Variants in EFR3B observed in about 807,000 individuals in gnomAD.
EFR3B encodes EFR3 homolog B.
In EFR3B, 64 loss-of-function variants were observed where a neutral mutation model predicts 104.7. The observed-to-expected ratio is 0.61, with a 90% confidence interval of 0.50 to 0.75. EFR3B has a LOEUF of 0.75. EFR3B is among the 30% of genes least tolerant of loss of function. The probability of loss-of-function intolerance (pLI) is 0.00; values close to 1 mark genes in which losing one functional copy is unlikely to be tolerated. For synonymous variants in EFR3B, 385 were observed against 417.9 expected, an observed-to-expected ratio of 0.92 and a Z score of 0.96; for missense variants, 750 against 1,078.5, an observed-to-expected ratio of 0.70 and a Z score of 4.27.
chr2:25,046,895 T>G (rs1243754032), intron 1 of EFR3B, among the ~76,000 whole-genome samples: 1 of 152,144 alleles, frequency 6.6e-6, no homozygotes, highest in Non-Finnish European at 1.5e-5. Flanking sequence ...TGCACACACA[T>G]AAACCAGCCT....
chr2:25,119,891 G>A (rs1669966269), intron 4 of EFR3B, among the ~76,000 whole-genome samples: 1 of 152,112 alleles, frequency 6.6e-6, no homozygotes, highest in African/African-American at 2.4e-5. Context: ...TAAATATTAT[G>A]AGAGTCCACT....
At chr2:25,129,887 T>C (rs1670281366) in intron 6 of EFR3B, 88 bp from the exon 7 acceptor site, 6 of 1,487,458 alleles carry the variant, frequency 4.0e-6, no homozygotes, top group Non-Finnish European at 3.6e-6. Flanking sequence ...GCTTGTCTTG[T>C]GTGGATGAAA....
In EFR3B at chr2:25,157,439, G is replaced by A; in HGVS notation, c.*3099G>A. ...GGGAGGTACCCTGGCCCTTGGTCTA[G>A]CATCAGTGAGTCCTGCCCTTCCAAG... is the stretch of plus-strand genomic sequence containing the variant. On this transcript the variant is annotated 3_prime_UTR_variant, in exon 23 of 23. Coordinates refer to ENST00000403714, the MANE Select transcript of EFR3B (RefSeq NM_014971.2). 1 of 152,512 alleles carries A rather than the reference G, an allele frequency of 6.6e-6. No homozygotes were observed. The allele number at this position is 152,512 out of a possible 1,614,324, so 9.4% of individuals were successfully genotyped here. A position where few individuals can be genotyped will look rare whatever the true frequency, so the allele number is the denominator to read the frequency against.
intron 5 of EFR3B, among the ~76,000 whole-genome samples, chr2:25,126,016 A>G (rs1048173604): frequency 8.5e-5 from 13 of 152,252 alleles, no homozygotes; most frequent in African/African-American, 3.1e-4. Context: ...AAAGGATTTG[A>G]ATTGAAATAG....
intron 5 of EFR3B, among the ~76,000 whole-genome samples, chr2:25,122,557 C>T (rs1670045208): frequency 6.6e-6 from 1 of 152,040 alleles, no homozygotes; most frequent in African/African-American, 2.4e-5. Context: ...CCTGCTTGCT[C>T]GTTCCCCTCC....
chr2:25,073,157 C>CTGAAGAGGA (rs1177473270), intron 1 of EFR3B, among the ~76,000 whole-genome samples: 2 of 152,026 alleles, frequency 1.3e-5, no homozygotes, highest in Non-Finnish European at 2.9e-5. Flanking sequence ...ATGAAGAGGA[C>CTGAAGAGGA]CAGGGAGCTG....
Position 25,145,021 on chromosome 2 carries a change from A to G in EFR3B, c.2112A>G (p.Val704=). The change falls in exon 19 of 23, where the codon GTA becomes GTG. Residue 704 remains valine, a synonymous_variant. Transcript: ENST00000403714. ...IGETISLQVE[V]ESRNSPEKEE... ...AGACCATCTCCCTGCAGGTGGAGGT[A>G]GAATCGAGGAACAGTCCGGAGAAGG... is the stretch of plus-strand genomic sequence containing the variant. 1 of 1,551,768 alleles carries G rather than the reference A, an allele frequency of 6.4e-7. No homozygotes were observed. Among genetic ancestry groups the G allele is most frequent in the Middle Eastern group, 1.7e-4 (1 of 5,992 alleles).
intron 1 of EFR3B, among the ~76,000 whole-genome samples, chr2:25,047,078 A>G (rs936293756): frequency 1.4e-4 from 21 of 152,238 alleles, no homozygotes; most frequent in Non-Finnish European, 2.6e-4. Context: ...AGTGAATACA[A>G]GTGGTCACAG....
intron 1 of EFR3B, among the ~76,000 whole-genome samples, chr2:25,087,568 G>A (rs1668990754): frequency 6.6e-6 from 1 of 151,658 alleles, no homozygotes; most frequent in Admixed American, 6.6e-5. Flanking sequence ...CAGCCTCCGG[G>A]TTCAAGTGAT....
intron 1 of EFR3B, among the ~76,000 whole-genome samples, chr2:25,076,521 T>C (rs1044807515): frequency 3.3e-5 from 5 of 152,186 alleles, no homozygotes; most frequent in Admixed American, 2.6e-4. Flanking sequence ...GCACACAAGA[T>C]TGTACAGCTT....
intron 4 of EFR3B, among the ~76,000 whole-genome samples, chr2:25,113,414 G>A (rs543485268): frequency 9.3e-4 from 141 of 152,166 alleles, no homozygotes; most frequent in African/African-American, 3.2e-3. Context: ...GGCCGGGCGC[G>A]GGGGCTCACG....
intron 4 of EFR3B, among the ~76,000 whole-genome samples, chr2:25,116,573 A>G (rs1180692020): frequency 6.6e-6 from 1 of 152,122 alleles, no homozygotes; most frequent in Non-Finnish European, 1.5e-5. Context: ...GCAGCAAACC[A>G]AGATGGCGCC....
chr2:25,135,740 A>T, intron 13 of EFR3B, 101 bp downstream of exon 13: 2 of 1,315,874 alleles, frequency 1.5e-6, no homozygotes, highest in Non-Finnish European at 2.1e-6. Flanking sequence ...TTCCCACCTC[A>T]GTATCTGAGT....
chr2:25,141,694 T>C (rs1489004800), intron 17 of EFR3B, among the ~76,000 whole-genome samples: 7 of 152,250 alleles, frequency 4.6e-5, no homozygotes, highest in Admixed American at 4.6e-4. Context: ...GCCAAGCCCA[T>C]GCTAAATGCA....
intron 4 of EFR3B, among the ~76,000 whole-genome samples, chr2:25,112,213 G>A (rs902519793): frequency 5.3e-5 from 8 of 152,262 alleles, no homozygotes; most frequent in Non-Finnish European, 1.0e-4. Context: ...CCAGTGGAAC[G>A]GCCCAAGGCA....
chr2:25,078,437 C>T (rs1308464607), intron 1 of EFR3B, among the ~76,000 whole-genome samples: 1 of 152,126 alleles, frequency 6.6e-6, no homozygotes, highest in Non-Finnish European at 1.5e-5. Context: ...TAAATACAAA[C>T]TATTTTGAGC....
At chr2:25,123,818 A>C (rs72852524) in intron 5 of EFR3B, among the ~76,000 whole-genome samples, 2 of 152,218 alleles carry the variant, frequency 1.3e-5, no homozygotes, top group African/African-American at 2.4e-5. Context: ...ACACATGCAC[A>C]CAGACACATG....
chr2:25,119,056 T>C lies in EFR3B; in HGVS notation c.364-2617T>C, dbSNP rs28399927. On this transcript the variant is annotated intron_variant, in intron 4 of 22. Coordinates refer to ENST00000403714, the MANE Select transcript of EFR3B (RefSeq NM_014971.2). ...CAAAGTCTGTGTTTGTTTCTTTCTC[T>C]TTATTATTGGCCTCTTTTTTTCATC... is the stretch of plus-strand genomic sequence containing the variant. Among the ~76,000 whole-genome samples the C allele has an allele frequency of 5.4e-3, 823 of 152,330 alleles. 5 individuals carry two copies. Among genetic ancestry groups the C allele is most frequent in the African/African-American group, 0.019 (793 of 41,576 alleles).
rs1473136427 is a variant in EFR3B at position 25,042,727 on chromosome 2, CG to C, written c.7+410del. The stretch of plus-strand genomic sequence containing the variant: ...CAGGGCTGAGGGAGACGCCCGCGGC[CG>C]GTCGTCTGCGCGGCTCGGAGAAGGC... On this transcript the variant is annotated intron_variant, in intron 1 of 22. Transcript: ENST00000403714. The surrounding 1 kb of genome is among the most constrained non-coding windows in gnomAD (Gnocchi z 5.4). 1.0e-6 allele frequency: 1 copy of C among 989,668 alleles called. No homozygotes were observed. The highest frequency in any genetic ancestry group is 1.1e-4 in the East Asian group (1 of 9,446). The allele number at this position is 989,668 out of a possible 1,614,324, so 61.3% of individuals were successfully genotyped here. A position where few individuals can be genotyped will look rare whatever the true frequency, so the allele number is the denominator to read the frequency against.
Sources: gnomAD v4.1 joint callset for allele counts (sites outside exome capture counted in the v4.1 genomes callset) on GRCh38, gnomAD v4.1.1 for gene constraint, Gnocchi (gnomAD v3.1) non-coding constraint, MANE v1.5 for transcripts, NCBI Gene and HGNC (gene_info 2026-07-23, HGNC 2026-07-21) for gene names.